Variants in TAPT1 observed in about 807,000 individuals in gnomAD.
TAPT1 encodes transmembrane anterior posterior transformation protein 1 homolog.
TAPT1 carries 28 observed loss-of-function variants against 65.6 expected under a neutral mutation model. The ratio of observed to expected loss-of-function variants is 0.43; its 90% CI spans 0.32 to 0.59. The LOEUF (loss-of-function observed/expected upper bound fraction) is 0.59, where lower values mean the gene tolerates loss of function less well. Ranked by LOEUF, TAPT1 falls within the 20% of genes least tolerant of loss-of-function variation. The pLI is 0.09. For synonymous variants in TAPT1, 278 were observed against 245.2 expected, an observed-to-expected ratio of 1.13 and a Z score of -1.25; for missense variants, 563 against 679.9, an observed-to-expected ratio of 0.83 and a Z score of 1.91.
intron 3 of TAPT1, among the ~76,000 whole-genome samples, chr4:16,200,791 C>T (rs539425719): frequency 6.6e-6 from 1 of 152,184 alleles, no homozygotes; most frequent in African/African-American, 2.4e-5. Flanking sequence ...CATGAAGCTC[C>T]CAGGAGTGAT....
intron 3 of TAPT1, among the ~76,000 whole-genome samples, chr4:16,192,121 G>C (rs1254124714): frequency 6.6e-6 from 1 of 152,132 alleles, no homozygotes; most frequent in East Asian, 1.9e-4. Context: ...TGTATCTGTA[G>C]GATAAATTCC....
intron 10 of TAPT1, 149 bp from the exon 11 acceptor site, chr4:16,174,421 C>A: frequency 1.3e-6 from 1 of 746,214 alleles, no homozygotes; most frequent in South Asian, 2.0e-5. Context: ...ATGTGGAAAT[C>A]CAAATGTTCA....
Position 16,166,518 on chromosome 4 carries a change from C to T in TAPT1, c.1474+115G>A, listed in dbSNP as rs904317012. On this transcript the variant is annotated intron_variant, in intron 13 of 13. Coordinates refer to ENST00000405303, the MANE Select transcript of TAPT1 (RefSeq NM_153365.3). ...AATCTAAAACACAACCATTAAAAGA[C>T]CCAAAAATCTATGCAAAGGGAAACC... The T allele has an allele frequency of 3.8e-6, 5 of 1,315,948 alleles. No individual in the cohort carries two copies. In the African/African-American group the frequency reaches 5.9e-5, roughly 15 times the overall value. The allele number at this position is 1,315,948 out of a possible 1,614,324, so 81.5% of individuals were successfully genotyped here.
intron 1 of TAPT1, among the ~76,000 whole-genome samples, chr4:16,221,247 C>G (rs549655422): frequency 2.0e-5 from 3 of 152,198 alleles, no homozygotes; most frequent in Admixed American, 2.0e-4. Context: ...CTGGCTCAGC[C>G]TCCAAGTAGC....
intron 2 of TAPT1, among the ~76,000 whole-genome samples, chr4:16,203,426 T>A (rs1416399149): frequency 6.6e-6 from 1 of 152,194 alleles, no homozygotes; most frequent in East Asian, 1.9e-4. Context: ...AACCTCAGAA[T>A]GTAACCGTGC....
intron 3 of TAPT1, among the ~76,000 whole-genome samples, chr4:16,198,840 A>G (rs1749869383): frequency 6.6e-6 from 1 of 152,234 alleles, no homozygotes; most frequent in African/African-American, 2.4e-5. Flanking sequence ...AAAATATTTG[A>G]AAGGTCTTAG....
rs116239823 is a variant in TAPT1, at chr4:16,225,256, T to A, written c.199+1003A>T. Among the ~76,000 whole-genome samples the A allele has an allele frequency of 9.2e-3, 1,409 of 152,378 alleles. 15 individuals carry two copies. Among genetic ancestry groups the A allele is most frequent in the Non-Finnish European group, 0.014 (948 of 68,040 alleles). ...TTAGAATCGCATCTGATCAACTTTA[T>A]GCCCCTTAAGTAGTTTTAAAATTTC... is the stretch of plus-strand genomic sequence containing the variant. On this transcript the variant is annotated intron_variant, in intron 1 of 13. Coordinates refer to ENST00000405303, the MANE Select transcript of TAPT1 (RefSeq NM_153365.3).
intron 11 of TAPT1, among the ~76,000 whole-genome samples, chr4:16,173,434 T>C (rs2149673410): frequency 6.6e-6 from 1 of 152,316 alleles, no homozygotes. Context: ...TTCTTTCTTT[T>C]TTGAGATGGA....
intron 5 of TAPT1, 71 bp from the exon 6 acceptor site, chr4:16,186,949 A>G: frequency 1.2e-6 from 1 of 813,682 alleles, no homozygotes. Flanking sequence ...AAAATTTTGA[A>G]AGTGAATAAT....
chr4:16,222,053 G>A (rs925257840), intron 1 of TAPT1, among the ~76,000 whole-genome samples: 4 of 152,164 alleles, frequency 2.6e-5, no homozygotes, highest in African/African-American at 4.8e-5. Flanking sequence ...AAACAAAGGA[G>A]TGACTTTTTC....
At chr4:16,191,286 T>C (rs1476007282) in intron 4 of TAPT1, 75 bp downstream of exon 4, 5 of 1,446,298 alleles carry the variant, frequency 3.5e-6, no homozygotes, top group Non-Finnish European at 4.6e-6. Context: ...TTCTTGACTC[T>C]CAGGTACCTT....
Position 16,210,478 on chromosome 4 carries a change from C to T in TAPT1, c.330+3290G>A, listed in dbSNP as rs138542197. 4.9e-3 allele frequency among the ~76,000 whole-genome samples: 698 copies of T among 142,912 alleles called. 5 individuals carry two copies. Among genetic ancestry groups the T allele is most frequent in the Middle Eastern group, 0.014 (4 of 280 alleles). 93.8% of individuals were successfully genotyped at this position (142,912 alleles called of 152,430 possible). Reference sequence around the variant, plus strand: ...ACAAGCAACCTTTAAATTCCTCTCACTCTAGCAGAGTAGTGCATTCCCCCT... The same window carrying T: ...ACAAGCAACCTTTAAATTCCTCTCATTCTAGCAGAGTAGTGCATTCCCCCT... On this transcript the variant is annotated intron_variant, in intron 2 of 13. Transcript: ENST00000405303.
intron 11 of TAPT1, among the ~76,000 whole-genome samples, chr4:16,172,694 C>T (rs1748081859): frequency 6.6e-6 from 1 of 152,172 alleles, no homozygotes; most frequent in African/African-American, 2.4e-5. Context: ...GGAAGCTGGT[C>T]TAAAACATAG....
chr4:16,221,507 G>C (rs1422521320), intron 1 of TAPT1, among the ~76,000 whole-genome samples: 1 of 152,086 alleles, frequency 6.6e-6, no homozygotes, highest in African/African-American at 2.4e-5. Flanking sequence ...AAAAAGCATA[G>C]TATAAATTGC....
At chr4:16,168,198 T>C (rs1016804183) in intron 12 of TAPT1, among the ~76,000 whole-genome samples, 2 of 152,082 alleles carry the variant, frequency 1.3e-5, no homozygotes, top group African/African-American at 4.8e-5. Context: ...ACTGCAGCCT[T>C]GAACTCCTGG....
chr4:16,191,208 A>C, intron 4 of TAPT1, 153 bp downstream of exon 4: 1 of 725,632 alleles, frequency 1.4e-6, no homozygotes, highest in Non-Finnish European at 2.1e-6. Flanking sequence ...ATCCATGTTT[A>C]AGAAGAGCCC....
intron 12 of TAPT1, among the ~76,000 whole-genome samples, chr4:16,167,521 G>A (rs957348408): frequency 6.6e-6 from 1 of 152,104 alleles, no homozygotes; most frequent in African/African-American, 2.4e-5. Flanking sequence ...CTTTCTTGCT[G>A]TATAGAAATG....
intron 3 of TAPT1, among the ~76,000 whole-genome samples, chr4:16,197,546 A>G (rs1194671727): frequency 1.3e-5 from 2 of 152,250 alleles, no homozygotes; most frequent in Non-Finnish European, 2.9e-5. Flanking sequence ...TCAAATGTAC[A>G]TAATTAGCTA....
chr4:16,202,181 C>T (rs1455722732), intron 3 of TAPT1, among the ~76,000 whole-genome samples: 4 of 152,080 alleles, frequency 2.6e-5, no homozygotes, highest in Non-Finnish European at 4.4e-5. Context: ...CTTTCAGACC[C>T]GGGTCCTTTC....
Sources: gnomAD v4.1 joint callset for allele counts (sites outside exome capture counted in the v4.1 genomes callset) on GRCh38, gnomAD v4.1.1 for gene constraint, MANE v1.5 for transcripts, NCBI Gene and HGNC (gene_info 2026-07-23, HGNC 2026-07-21) for gene names.